Variants in HS6ST3 observed in about 807,000 individuals in gnomAD.
HS6ST3 encodes heparan sulfate 6-O-sulfotransferase 3.
In HS6ST3, 12 loss-of-function variants were observed where a neutral mutation model predicts 36.7. That is an observed-to-expected ratio of 0.33 (90% CI 0.21 to 0.53). The LOEUF is 0.53. Ranked by LOEUF, HS6ST3 falls within the 20% of genes least tolerant of loss-of-function variation. The pLI, the probability that HS6ST3 is intolerant of heterozygous loss-of-function variation, is 0.95. For missense variants in HS6ST3, 584 were observed against 640.9 expected (o/e 0.91, Z 0.96); for synonymous variants, 240 against 257.5 (o/e 0.93, Z 0.65).
chr13:96,514,435 T>C (rs1209028222), intron 1 of HS6ST3, among the ~76,000 whole-genome samples: 1 of 152,164 alleles, frequency 6.6e-6, no homozygotes, highest in Non-Finnish European at 1.5e-5. Flanking sequence ...GTGTCCCCAC[T>C]CCCTAAATTC....
intron 1 of HS6ST3, among the ~76,000 whole-genome samples, chr13:96,527,976 G>C (rs146564957): frequency 3.3e-5 from 5 of 152,260 alleles, no homozygotes; most frequent in African/African-American, 1.2e-4. Flanking sequence ...CTAAACTCTT[G>C]TAGTCCCTAT....
chr13:96,595,973 ATACACG>A (rs1355097828), intron 1 of HS6ST3, among the ~76,000 whole-genome samples: 1 of 152,082 alleles, frequency 6.6e-6, no homozygotes, highest in Non-Finnish European at 1.5e-5. Context: ...AGCTTTGGAA[ATACACG>A]TGGTTTTTGA....
intron 1 of HS6ST3, among the ~76,000 whole-genome samples, chr13:96,347,227 T>C (rs1458781042): frequency 6.6e-6 from 1 of 152,182 alleles, no homozygotes; most frequent in Non-Finnish European, 1.5e-5. Flanking sequence ...TATGATAATA[T>C]GCTACACAGA....
intron 1 of HS6ST3, among the ~76,000 whole-genome samples, chr13:96,761,260 C>A (rs1301189666): frequency 1.3e-5 from 2 of 151,804 alleles, no homozygotes; most frequent in African/African-American, 4.8e-5. Context: ...GTCCAATGGT[C>A]CAGCTGTTTC....
chr13:96,515,481 A>ATTAT (rs1343881735), intron 1 of HS6ST3, among the ~76,000 whole-genome samples: 1 of 152,166 alleles, frequency 6.6e-6, no homozygotes, highest in Non-Finnish European at 1.5e-5. Context: ...TTATGCATTT[A>ATTAT]CATGTGCTAG....
At chr13:96,709,017 TATAATCCCC>T (rs1875496713) in intron 1 of HS6ST3, among the ~76,000 whole-genome samples, 1 of 152,192 alleles carries the variant, frequency 6.6e-6, no homozygotes, top group African/African-American at 2.4e-5. Context: ...CATCTCAAAT[TATAATCCCC>T]ATAATCCCCA....
intron 1 of HS6ST3, among the ~76,000 whole-genome samples, chr13:96,735,528 A>G (rs906571953): frequency 1.3e-5 from 2 of 152,206 alleles, no homozygotes; most frequent in African/African-American, 4.8e-5. Flanking sequence ...GGATATTGGT[A>G]TATTGGATCA....
chr13:96,412,918 A>G (rs1200551130), intron 1 of HS6ST3, among the ~76,000 whole-genome samples: 1 of 136,354 alleles, frequency 7.3e-6, no homozygotes, highest in Non-Finnish European at 1.7e-5. Context: ...TGAATGAACA[A>G]TTGAAGAAAG....
chr13:96,194,837 A>G (rs1389457416), intron 1 of HS6ST3, among the ~76,000 whole-genome samples: 2 of 151,224 alleles, frequency 1.3e-5, no homozygotes, highest in African/African-American at 4.9e-5. Flanking sequence ...ACTTCTTTAG[A>G]CTCACATTGT....
At chr13:96,786,455 A>G (rs1877652236) in intron 1 of HS6ST3, among the ~76,000 whole-genome samples, 1 of 152,030 alleles carries the variant, frequency 6.6e-6, no homozygotes, top group African/African-American at 2.4e-5. Flanking sequence ...CTTTCCCCAG[A>G]CCCTGGCATA....
chr13:96,491,124 T>G (rs1487704324), intron 1 of HS6ST3, among the ~76,000 whole-genome samples: 1 of 152,182 alleles, frequency 6.6e-6, no homozygotes, highest in Non-Finnish European at 1.5e-5. Context: ...AGACCCATGT[T>G]GATCTGAGTC....
chr13:96,511,975 A>T (rs1406225878), intron 1 of HS6ST3, among the ~76,000 whole-genome samples: 2 of 152,214 alleles, frequency 1.3e-5, no homozygotes, highest in Non-Finnish European at 2.9e-5. Context: ...AATATTTCTC[A>T]GTTGGTTTAA....
At chr13:96,346,839 T>G (rs9556570) in intron 1 of HS6ST3, among the ~76,000 whole-genome samples, 62,591 of 151,800 alleles carry the variant, frequency 0.41, 13,934 homozygotes, top group African/African-American at 0.58. Context: ...TAGAATATGG[T>G]AGCATTGAGA....
At chr13:96,326,002 C>T (rs2055028894) in intron 1 of HS6ST3, among the ~76,000 whole-genome samples, 1 of 152,010 alleles carries the variant, frequency 6.6e-6, no homozygotes, top group Non-Finnish European at 1.5e-5. Flanking sequence ...AGATCAGTGG[C>T]TTAAAATTCC....
chr13:96,708,211 A>C (rs1484541954), intron 1 of HS6ST3, among the ~76,000 whole-genome samples: 5 of 152,242 alleles, frequency 3.3e-5, no homozygotes, highest in Non-Finnish European at 7.3e-5. Flanking sequence ...GTTTGTGGAA[A>C]ATGAATAAAC....
intron 1 of HS6ST3, among the ~76,000 whole-genome samples, chr13:96,708,022 C>T (rs1875470027): frequency 6.6e-6 from 1 of 152,178 alleles, no homozygotes; most frequent in South Asian, 2.1e-4. Flanking sequence ...GGAATAAGGA[C>T]ATTCCAGATA....
chr13:96,372,469 G>C (rs942759532), intron 1 of HS6ST3, among the ~76,000 whole-genome samples: 2 of 152,082 alleles, frequency 1.3e-5, no homozygotes, highest in African/African-American at 4.8e-5. Flanking sequence ...ATGCTGTATA[G>C]GAAATTTTTA....
chr13:96,579,620 C>T (rs1436263870), intron 1 of HS6ST3, among the ~76,000 whole-genome samples: 1 of 151,100 alleles, frequency 6.6e-6, no homozygotes, highest in East Asian at 1.9e-4. Flanking sequence ...TTCATTTAAA[C>T]AAAAAAAGAA....
At chr13:96,132,697 C>T (rs1445292360) in intron 1 of HS6ST3, among the ~76,000 whole-genome samples, 1 of 152,120 alleles carries the variant, frequency 6.6e-6, no homozygotes, top group Non-Finnish European at 1.5e-5. Flanking sequence ...TGAGCCACTG[C>T]ACCCCCCAGC....
Sources: gnomAD v4.1 joint callset for allele counts (sites outside exome capture counted in the v4.1 genomes callset) on GRCh38, gnomAD v4.1.1 for gene constraint, MANE v1.5 for transcripts, NCBI Gene and HGNC (gene_info 2026-07-23, HGNC 2026-07-21) for gene names.